Variants in ADAMTS16 observed in about 807,000 individuals in gnomAD.
ADAMTS16 encodes the protein A disintegrin and metalloproteinase with thrombospondin motifs 16.
In ADAMTS16, 94 loss-of-function variants were observed where a neutral mutation model predicts 145.8. The ratio of observed to expected loss-of-function variants is 0.64; its 90% confidence interval spans 0.55 to 0.77. The LOEUF (loss-of-function observed/expected upper bound fraction) is 0.77. Among genes scored for constraint, ADAMTS16 ranks in the 30% least tolerant of loss-of-function variants. ADAMTS16 has a pLI of 0.00. For missense variants in ADAMTS16, 1,585 were observed against 1,591.5 expected (o/e 1.00, Z 0.07); for synonymous variants, 659 against 604.3 (o/e 1.09, Z -1.33).
chr5:5,220,506 G>A (rs372326585), intron 10 of ADAMTS16, among the ~76,000 whole-genome samples: 2 of 152,160 alleles, frequency 1.3e-5, no homozygotes, highest in African/African-American at 2.4e-5. Flanking sequence ...ATTTTGAGTA[G>A]CCTTAGAAAC....
chr5:5,271,875 C>A (rs1211602530), intron 18 of ADAMTS16, among the ~76,000 whole-genome samples: 2 of 152,294 alleles, frequency 1.3e-5, no homozygotes, highest in African/African-American at 4.8e-5. Flanking sequence ...ATTCTTCTTG[C>A]TTATACAAAC....
At chr5:5,200,563 A>T (rs1735927679) in intron 9 of ADAMTS16, among the ~76,000 whole-genome samples, 1 of 152,206 alleles carries the variant, frequency 6.6e-6, no homozygotes, top group African/African-American at 2.4e-5. Context: ...TACAATTCTC[A>T]CTTCCATAAT....
intron 20 of ADAMTS16, among the ~76,000 whole-genome samples, chr5:5,305,449 TCCACACCACACACA>T (rs1561001004): frequency 1.6e-4 from 2 of 12,446 alleles, no homozygotes; most frequent in African/African-American, 3.2e-4. Context: ...CACACACACA[TCCACACCACACACA>T]CACACATCCC....
chr5:5,203,377 C>T (rs1404401326), intron 9 of ADAMTS16, among the ~76,000 whole-genome samples: 2 of 152,200 alleles, frequency 1.3e-5, no homozygotes, highest in African/African-American at 2.4e-5. Context: ...AATCAAAATA[C>T]TGTTATATTC....
chr5:5,228,281 G>T (rs1736824132), intron 11 of ADAMTS16, among the ~76,000 whole-genome samples: 1 of 152,062 alleles, frequency 6.6e-6, no homozygotes, highest in Admixed American at 6.6e-5. Flanking sequence ...GGAGAAAAAA[G>T]ATGCTACAAA....
At chr5:5,230,690 A>T (rs1211875718) in intron 11 of ADAMTS16, among the ~76,000 whole-genome samples, 1 of 152,238 alleles carries the variant, frequency 6.6e-6, no homozygotes, top group Non-Finnish European at 1.5e-5. Flanking sequence ...AGCTATTACC[A>T]TGTCAATACG....
At chr5:5,305,436 CCACA>C (rs1381151769) in intron 20 of ADAMTS16, among the ~76,000 whole-genome samples, 1 of 76,578 alleles carries the variant, frequency 1.3e-5, no homozygotes, top group Non-Finnish European at 2.9e-5. Flanking sequence ...ACAACCCACA[CCACA>C]CACACACATC....
At position 5,275,259 on chromosome 5, in the gene ADAMTS16, G is replaced by A. The variant is rs1048449643; in HGVS notation, c.2789+12476G>A. ...ATTTCCAAATGTATGGAAGCTTCAG[G>A]GTACATTTTTTTCTGTTATTTAAAG... On this transcript the variant is annotated intron_variant, in intron 18 of 22. Coordinates refer to ENST00000274181, the MANE Select transcript of ADAMTS16 (RefSeq NM_139056.4). 3.3e-5 allele frequency among the ~76,000 whole-genome samples: 5 copies of A among 152,020 alleles called. 1 individual carries two copies. In the South Asian group the frequency reaches 8.3e-4, roughly 25 times the overall value.
intron 10 of ADAMTS16, among the ~76,000 whole-genome samples, chr5:5,214,068 T>C (rs1736351437): frequency 6.6e-6 from 1 of 152,228 alleles, no homozygotes; most frequent in African/African-American, 2.4e-5. Flanking sequence ...GTCTGCAAAG[T>C]GCTCCCAGGC....
intron 18 of ADAMTS16, among the ~76,000 whole-genome samples, chr5:5,286,065 T>C (rs1739089106): frequency 6.6e-6 from 1 of 152,230 alleles, no homozygotes. Context: ...GTTCTACATA[T>C]GACCCTTCGG....
intron 2 of ADAMTS16, among the ~76,000 whole-genome samples, chr5:5,141,518 G>A (rs1377038688): frequency 6.6e-6 from 1 of 152,184 alleles, no homozygotes. Context: ...CTGGTTGCTA[G>A]GTGGTTTTTT....
At chr5:5,253,399 C>T (rs1490101510) in intron 17 of ADAMTS16, among the ~76,000 whole-genome samples, 1 of 152,160 alleles carries the variant, frequency 6.6e-6, no homozygotes, top group Non-Finnish European at 1.5e-5. Context: ...ATCAGCCTTC[C>T]ACTGAATACA....
chr5:5,314,363 G>A (rs1304741795), intron 21 of ADAMTS16, among the ~76,000 whole-genome samples: 3 of 152,186 alleles, frequency 2.0e-5, no homozygotes, highest in South Asian at 2.1e-4. Flanking sequence ...GCTCTGCCCC[G>A]CAGGAGTCTG....
intron 20 of ADAMTS16, among the ~76,000 whole-genome samples, chr5:5,305,165 A>T (rs1163700008): frequency 6.4e-5 from 2 of 31,174 alleles, no homozygotes; most frequent in Non-Finnish European, 6.3e-5. Flanking sequence ...ACACACACAT[A>T]TCCCACACCA....
At chr5:5,159,215 T>A (rs1438988683) in intron 3 of ADAMTS16, among the ~76,000 whole-genome samples, 1 of 152,214 alleles carries the variant, frequency 6.6e-6, no homozygotes, top group Non-Finnish European at 1.5e-5. Context: ...AAGAAAGATA[T>A]TGACTTAGAC....
intron 2 of ADAMTS16, among the ~76,000 whole-genome samples, chr5:5,143,570 G>A (rs566179483): frequency 6.5e-4 from 99 of 152,302 alleles, no homozygotes; most frequent in Non-Finnish European, 7.6e-4. Flanking sequence ...AGACAGTGTG[G>A]CGATTCCTCA....
At chr5:5,233,811 C>T (rs956660727) in intron 12 of ADAMTS16, among the ~76,000 whole-genome samples, 6 of 152,006 alleles carry the variant, frequency 3.9e-5, no homozygotes, top group African/African-American at 7.3e-5. Context: ...CATTCATGTG[C>T]GTGTGTCTTT....
intron 17 of ADAMTS16, among the ~76,000 whole-genome samples, chr5:5,259,869 G>A (rs950951717): frequency 2.6e-5 from 4 of 151,982 alleles, no homozygotes; most frequent in African/African-American, 9.7e-5. Context: ...TTTTCTTTTA[G>A]CATTACTCTC....
intron 21 of ADAMTS16, among the ~76,000 whole-genome samples, chr5:5,315,634 G>A (rs1310001873): frequency 2.0e-5 from 3 of 152,184 alleles, no homozygotes; most frequent in Non-Finnish European, 2.9e-5. Flanking sequence ...TCAGCAGGGT[G>A]ACCACAGCCC....
Sources: gnomAD v4.1 joint callset for allele counts (sites outside exome capture counted in the v4.1 genomes callset) on GRCh38, gnomAD v4.1.1 for gene constraint, MANE v1.5 for transcripts, NCBI Gene and HGNC (gene_info 2026-07-23, HGNC 2026-07-21) for gene names.